Variants in SZRD1 observed in about 807,000 individuals in gnomAD.
SZRD1 encodes SUZ RNA binding domain containing 1, also known as SUZ RNA-binding domain-containing.
Under a neutral mutation model 17.6 loss-of-function variants are expected in SZRD1, and 7 were observed. The ratio of observed to expected loss-of-function variants is 0.40; its 90% CI spans 0.23 to 0.75. SZRD1 has a LOEUF of 0.75. Among genes scored for constraint, SZRD1 ranks in the 30% least tolerant of loss-of-function variants. The pLI, the probability that SZRD1 is intolerant of heterozygous loss-of-function variation, is 0.38. For missense variants in SZRD1, 178 were observed against 201.8 expected, an observed-to-expected ratio of 0.88 and a Z score of 0.71; for synonymous variants, 77 against 77.9, an observed-to-expected ratio of 0.99 and a Z score of 0.06.
At chr1:16,377,222 A>G (rs1247532066) in intron 1 of SZRD1, among the ~76,000 whole-genome samples, 1 of 152,146 alleles carries the variant, frequency 6.6e-6, no homozygotes, top group East Asian at 1.9e-4. Flanking sequence ...ATGAGGGTTA[A>G]TAGTGTCTTT....
At chr1:16,369,822 G>T (rs1557620062) in intron 1 of SZRD1, among the ~76,000 whole-genome samples, 2 of 151,094 alleles carry the variant, frequency 1.3e-5, no homozygotes, top group Admixed American at 6.6e-5. Flanking sequence ...CTAGGAGGCG[G>T]AGGTTGCAGT....
intron 1 of SZRD1, chr1:16,367,963 TCAGCGATCCGAGGC>T (rs2082851414): frequency 6.6e-6 from 1 of 152,212 alleles, no homozygotes; most frequent in African/African-American, 2.4e-5. Flanking sequence ...CCTCTGCCAC[TCAGCGATCCGAGGC>T]CCCGGGAAGG....
chr1:16,371,017 A>T (rs1451143658), intron 1 of SZRD1, among the ~76,000 whole-genome samples: 2 of 152,214 alleles, frequency 1.3e-5, no homozygotes, highest in Non-Finnish European at 2.9e-5. Context: ...GCTTCAGGTT[A>T]TCCCCTCTTC....
At position 16,395,304 on chromosome 1, in the gene SZRD1, A is replaced by C; in HGVS notation, c.*164A>C. The C allele has an allele frequency of 1.5e-6, 1 of 669,704 alleles. No homozygotes were observed. Among genetic ancestry groups the C allele is most frequent in the Non-Finnish European group, 2.8e-6 (1 of 357,682 alleles). The allele number at this position is 669,704 out of a possible 1,614,324, so 41.5% of individuals were successfully genotyped here. ...TCCGCCCACTGTGACCTTGAACCCC[A>C]TGCACTGTGACCTCCCCCCTTCTCC... is the stretch of plus-strand genomic sequence containing the variant. On this transcript the variant is annotated 3_prime_UTR_variant, in exon 4 of 4. Transcript: ENST00000401088.
chr1:16,372,366 C>T (rs893603019), intron 1 of SZRD1, among the ~76,000 whole-genome samples: 26 of 151,846 alleles, frequency 1.7e-4, no homozygotes, highest in African/African-American at 5.8e-4. Flanking sequence ...CCAGCTACTC[C>T]GGAGGCTGAG....
intron 1 of SZRD1, among the ~76,000 whole-genome samples, chr1:16,382,032 G>A (rs1467969073): frequency 6.6e-6 from 1 of 152,192 alleles, no homozygotes; most frequent in Non-Finnish European, 1.5e-5. Context: ...CTTGAACAGT[G>A]GGGCCAATGT....
At position 16,395,704 on chromosome 1, in the gene SZRD1, A is replaced by G. The variant is rs1259023398; in HGVS notation, c.*564A>G. 1 of 156,446 alleles carries G rather than the reference A, an allele frequency of 6.4e-6. No homozygotes were observed. The highest frequency in any genetic ancestry group is 6.2e-5 in the Admixed American group (1 of 16,168). The allele number at this position is 156,446 out of a possible 1,614,324, so 9.7% of individuals were successfully genotyped here. On this transcript the variant is annotated 3_prime_UTR_variant, in exon 4 of 4. Transcript: ENST00000401088. ...TTAGTGGTTTAATGAATTTTTAATT[A>G]AGAAAGGGTAGTTTGGTAGTCTACT...
chr1:16,370,688 G>A (rs1337317609), intron 1 of SZRD1, among the ~76,000 whole-genome samples: 1 of 152,022 alleles, frequency 6.6e-6, no homozygotes, highest in Non-Finnish European at 1.5e-5. Flanking sequence ...CCAGGCTGAA[G>A]TGCAGTGGCA....
chr1:16,389,080 CTTTTTTTTT>C (rs779460255), intron 1 of SZRD1, among the ~76,000 whole-genome samples: 1 of 114,900 alleles, frequency 8.7e-6, no homozygotes, highest in Admixed American at 9.0e-5. Flanking sequence ...TAGTTATTTC[CTTTTTTTTT>C]TTTTTTTTTT....
At chr1:16,375,784 G>T (rs1424826896) in intron 1 of SZRD1, among the ~76,000 whole-genome samples, 1 of 152,106 alleles carries the variant, frequency 6.6e-6, no homozygotes, top group Admixed American at 6.6e-5. Context: ...ATTCTTCAGG[G>T]GCCATGGCGA....
rs1435222991 is a variant in SZRD1 at position 16,391,388 on chromosome 1, G to A, written c.65G>A (p.Arg22Gln). ...EAADSGEIDR[R>Q]LEKKLKITQK... ...TTTTTCCTCTAGGAAATAGACAGAC[G>A]GTTGGAAAAAAAACTGAAGATCACA... The change falls in exon 2 of 4, where the codon CGG becomes CAG. Residue 22 changes from arginine (R) to glutamine (Q), a missense_variant. Arg to Gln is a conservative substitution (Grantham distance 43, BLOSUM62 1). Transcript: ENST00000401088. The surrounding 1 kb of genome is among the most constrained non-coding windows in gnomAD (Gnocchi z 4.3). 2.6e-6 allele frequency: 4 copies of A among 1,547,990 alleles called. No individual in the cohort carries two copies. In the Admixed American group the frequency reaches 5.9e-5, roughly 23 times the overall value.
chr1:16,395,938 G>A lies in SZRD1; in HGVS notation c.*798G>A, dbSNP rs186784426. 80 of 152,814 alleles carry A rather than the reference G, an allele frequency of 5.2e-4. No homozygotes were observed. Among genetic ancestry groups the A allele is most frequent in the African/African-American group, 1.8e-3 (75 of 41,582 alleles). The allele number at this position is 152,814 out of a possible 1,614,324, so 9.5% of individuals were successfully genotyped here. Reference sequence around the variant, plus strand: ...AGACTGGGCTAGCTCTGTAGGCTCGGAGAGCCTGGGGAGGGTGCCAACCCC... The same window carrying A: ...AGACTGGGCTAGCTCTGTAGGCTCGAAGAGCCTGGGGAGGGTGCCAACCCC... On this transcript the variant is annotated 3_prime_UTR_variant, in exon 4 of 4. Coordinates refer to ENST00000401088, the MANE Select transcript of SZRD1 (RefSeq NM_001114600.3).
chr1:16,369,514 T>C, intron 1 of SZRD1: 1 of 850,698 alleles, frequency 1.2e-6, no homozygotes, highest in Non-Finnish European at 2.0e-6. Flanking sequence ...CACCACAGGC[T>C]TTTTCACAGA....
Position 16,393,613 on chromosome 1 carries a change from C to A in SZRD1, c.356+131C>A. The A allele has an allele frequency of 9.9e-7, 1 of 1,014,896 alleles. No individual in the cohort carries two copies. The highest frequency in any genetic ancestry group is 1.4e-6 in the Non-Finnish European group (1 of 704,982). 62.9% of individuals were successfully genotyped at this position (1,014,896 alleles called of 1,614,324 possible). A position where few individuals can be genotyped will look rare whatever the true frequency, so the allele number is the denominator to read the frequency against. On this transcript the variant is annotated intron_variant, in intron 3 of 3. Transcript: ENST00000401088. The surrounding 1 kb of genome is among the most constrained non-coding windows in gnomAD (Gnocchi z 5.6). ...GGTAGGAACCATGCAGCTCCACTTG[C>A]TGATCCCAGCCTGCTGGCACTAGTT...
chr1:16,372,636 A>G (rs1486108125), intron 1 of SZRD1, among the ~76,000 whole-genome samples: 1 of 152,190 alleles, frequency 6.6e-6, no homozygotes, highest in Non-Finnish European at 1.5e-5. Flanking sequence ...CTCCAGGTCA[A>G]GGCATGCAGC....
rs1390746582 is a variant in SZRD1, at chr1:16,391,932, G to T, written c.101+508G>T. Among the ~76,000 whole-genome samples the T allele has an allele frequency of 6.6e-6, 1 of 152,120 alleles. No individual in the cohort carries two copies. The highest frequency in any genetic ancestry group is 6.5e-5 in the Admixed American group (1 of 15,274). On this transcript the variant is annotated intron_variant, in intron 2 of 3. Transcript: ENST00000401088. This position sits in a 1 kb window ranked among gnomAD's most constrained non-coding sequence, Gnocchi z 4.3. ...TTTTCCACCTAGACGACAGAGGAGG[G>T]TGTTTCCAGAGTAGGTGAAAGTTGA...
At chr1:16,390,328 G>C (rs1011214360) in intron 1 of SZRD1, among the ~76,000 whole-genome samples, 22 of 152,210 alleles carry the variant, frequency 1.4e-4, no homozygotes, top group Admixed American at 1.3e-3. Flanking sequence ...TGGTGCTGAT[G>C]GGCTGAGGGC....
chr1:16,388,309 A>G (rs1466948464), intron 1 of SZRD1, among the ~76,000 whole-genome samples: 2 of 152,146 alleles, frequency 1.3e-5, no homozygotes, highest in Non-Finnish European at 2.9e-5. Context: ...CTTGTTGACC[A>G]GGCTGGTCTT....
intron 1 of SZRD1, among the ~76,000 whole-genome samples, chr1:16,382,249 C>T (rs1194704448): frequency 6.7e-6 from 1 of 148,152 alleles, no homozygotes; most frequent in Non-Finnish European, 1.5e-5. Flanking sequence ...GTGCAGTGGC[C>T]CGATCTCAGC....
Sources: gnomAD v4.1 joint callset for allele counts (sites outside exome capture counted in the v4.1 genomes callset) on GRCh38, gnomAD v4.1.1 for gene constraint, Gnocchi (gnomAD v3.1) non-coding constraint, MANE v1.5 for transcripts, NCBI Gene and HGNC (gene_info 2026-07-23, HGNC 2026-07-21) for gene names.